Variants in LRRC4C observed in about 807,000 individuals in gnomAD.
The protein encoded by LRRC4C is leucine-rich repeat-containing protein 4C.
In LRRC4C, 5 loss-of-function variants were observed where a neutral mutation model predicts 33.6. That is an observed-to-expected ratio of 0.15 (90% CI 0.08 to 0.31). The LOEUF (loss-of-function observed/expected upper bound fraction) is 0.31. Among genes scored for constraint, LRRC4C ranks in the 10% least tolerant of loss-of-function variants. The probability of loss-of-function intolerance (pLI) is 1.00; values close to 1 mark genes in which losing one functional copy is unlikely to be tolerated. For missense variants in LRRC4C, 560 were observed against 796.7 expected (o/e 0.70, Z 3.58); for synonymous variants, 329 against 302.0 (o/e 1.09, Z -0.93).
intron 3 of LRRC4C, among the ~76,000 whole-genome samples, chr11:40,571,221 C>T (rs974672596): frequency 6.6e-6 from 1 of 152,078 alleles, no homozygotes; most frequent in Non-Finnish European, 1.5e-5. Flanking sequence ...TGAAAACAGA[C>T]ATAAAGCATT....
Position 41,000,540 on chromosome 11 carries a change from T to C in LRRC4C, c.-495-66817A>G, listed in dbSNP as rs573490870. On this transcript the variant is annotated intron_variant, in intron 1 of 6. Coordinates refer to ENST00000528697, the MANE Select transcript of LRRC4C (RefSeq NM_001258419.2). ...TTACCTCTACTTCATAATGTAAAAA[T>C]TTTACATAATAAAATTATTTTCCTA... is the stretch of plus-strand genomic sequence containing the variant. Among the ~76,000 whole-genome samples, 3 of 152,240 alleles carry C rather than the reference T, an allele frequency of 2.0e-5. No individual in the cohort carries two copies. In the South Asian group the frequency reaches 6.2e-4, roughly 32 times the overall value.
intron 2 of LRRC4C, among the ~76,000 whole-genome samples, chr11:40,803,106 G>T (rs540348473): frequency 6.6e-6 from 1 of 152,276 alleles, no homozygotes; most frequent in East Asian, 1.9e-4. Flanking sequence ...AACCAGGCAA[G>T]CTACCAGTTA....
At chr11:40,562,507 A>G (rs923790144) in intron 3 of LRRC4C, among the ~76,000 whole-genome samples, 2 of 139,188 alleles carry the variant, frequency 1.4e-5, no homozygotes, top group South Asian at 4.8e-4. Flanking sequence ...AGGTAATACT[A>G]TCTTTGCATT....
At chr11:40,708,972 TC>T (rs749490761) in intron 2 of LRRC4C, among the ~76,000 whole-genome samples, 3 of 152,188 alleles carry the variant, frequency 2.0e-5, no homozygotes, top group Non-Finnish European at 2.9e-5. Flanking sequence ...ATAAGGGCCT[TC>T]TTTGTCTCTT....
chr11:41,420,763 C>A (rs1324955603), intron 1 of LRRC4C, among the ~76,000 whole-genome samples: 1 of 151,946 alleles, frequency 6.6e-6, no homozygotes, highest in Non-Finnish European at 1.5e-5. Context: ...TTAAGAGATT[C>A]TCTAAAGAGT....
At chr11:40,525,690 C>T (rs1467259808) in intron 3 of LRRC4C, among the ~76,000 whole-genome samples, 2 of 151,328 alleles carry the variant, frequency 1.3e-5, no homozygotes, top group Non-Finnish European at 1.5e-5. Context: ...ACATTTTATG[C>T]AGTCAATAAA....
chr11:41,384,514 C>A (rs1031514911), intron 1 of LRRC4C, among the ~76,000 whole-genome samples: 28 of 151,348 alleles, frequency 1.9e-4, no homozygotes, highest in African/African-American at 6.8e-4. Flanking sequence ...TAAAAACATG[C>A]CAACAAGTTT....
At chr11:40,774,743 A>AT (rs970234781) in intron 2 of LRRC4C, among the ~76,000 whole-genome samples, 2 of 152,152 alleles carry the variant, frequency 1.3e-5, no homozygotes, top group Admixed American at 6.5e-5. Flanking sequence ...ATTGATGTGC[A>AT]TTTTTGTTGT....
intron 2 of LRRC4C, among the ~76,000 whole-genome samples, chr11:40,806,167 T>C (rs947937229): frequency 1.1e-4 from 16 of 152,236 alleles, no homozygotes; most frequent in Non-Finnish European, 2.4e-4. Context: ...CAAAATTTAG[T>C]GGCCTTAAAA....
chr11:41,059,210 G>GTTTTTTTTTTTTTTTTTTTTTTTTT, intron 1 of LRRC4C, among the ~76,000 whole-genome samples: 1 of 125,196 alleles, frequency 8.0e-6, no homozygotes, highest in Non-Finnish European at 1.6e-5. Flanking sequence ...TAAAATAAAA[G>GTTTTTTTTTTTTTTTTTTTTTTTTT]TTTTTTTTTT....
chr11:40,769,902 C>CA (rs1565038882), intron 2 of LRRC4C, among the ~76,000 whole-genome samples: 1 of 152,104 alleles, frequency 6.6e-6, no homozygotes, highest in African/African-American at 2.4e-5. Context: ...AGAAAACTCT[C>CA]TAGGACATTG....
chr11:40,381,281 C>T (rs1455389913), intron 3 of LRRC4C, among the ~76,000 whole-genome samples: 1 of 150,448 alleles, frequency 6.6e-6, no homozygotes, highest in Non-Finnish European at 1.5e-5. Context: ...ACGGTGGGGT[C>T]AATCTGAGGT....
chr11:41,458,952 GA>G lies in LRRC4C; in HGVS notation c.-496+478del, dbSNP rs1956253318. On this transcript the variant is annotated intron_variant, in intron 1 of 6. Coordinates refer to ENST00000528697, the MANE Select transcript of LRRC4C (RefSeq NM_001258419.2). ...TAGAGCAGATATAACTATTCAAGAA[GA>G]AAAAAATAGAGCTATGGGGAGGGGG... is the stretch of plus-strand genomic sequence containing the variant. Among the ~76,000 whole-genome samples, 2 of 151,662 alleles carry G rather than the reference GA, an allele frequency of 1.3e-5. 1 individual carries two copies. Among genetic ancestry groups the G allele is most frequent in the African/African-American group, 4.8e-5 (2 of 41,286 alleles).
chr11:40,396,932 T>G (rs2078067660), intron 3 of LRRC4C, among the ~76,000 whole-genome samples: 1 of 152,078 alleles, frequency 6.6e-6, no homozygotes, highest in South Asian at 2.1e-4. Flanking sequence ...AATACAAGTA[T>G]TAATAAGATG....
rs564602268 is a variant in LRRC4C, at chr11:41,165,896, T to C, written c.-495-232173A>G. 3.0e-3 allele frequency among the ~76,000 whole-genome samples: 459 copies of C among 152,000 alleles called. 4 individuals carry two copies. Among genetic ancestry groups the C allele is most frequent in the African/African-American group, 0.011 (440 of 41,434 alleles). On this transcript the variant is annotated intron_variant, in intron 1 of 6. Coordinates refer to ENST00000528697, the MANE Select transcript of LRRC4C (RefSeq NM_001258419.2). ...AATACAAAAAAATAGCTGGGCATGG[T>C]GGTGGGTGCCTGTAATCCCAGCTAC...
intron 5 of LRRC4C, among the ~76,000 whole-genome samples, chr11:40,145,212 A>G (rs1025015757): frequency 6.6e-6 from 1 of 152,210 alleles, no homozygotes; most frequent in Non-Finnish European, 1.5e-5. Flanking sequence ...GCATATCCCA[A>G]AATTTAAACT....
At chr11:41,179,992 G>A (rs1383086603) in intron 1 of LRRC4C, among the ~76,000 whole-genome samples, 4 of 152,154 alleles carry the variant, frequency 2.6e-5, no homozygotes, top group Non-Finnish European at 4.4e-5. Context: ...TGTGGGACAG[G>A]CACCCTATAC....
chr11:41,190,134 A>T (rs79971020), intron 1 of LRRC4C, among the ~76,000 whole-genome samples: 2 of 152,316 alleles, frequency 1.3e-5, no homozygotes, highest in East Asian at 3.9e-4. Flanking sequence ...AAAGCTACTG[A>T]CACTTTTGCA....
intron 1 of LRRC4C, among the ~76,000 whole-genome samples, chr11:41,029,722 T>C (rs1353636408): frequency 6.6e-6 from 1 of 151,824 alleles, no homozygotes; most frequent in African/African-American, 2.4e-5. Context: ...TCGCACTTGA[T>C]CTCTGCATGT....
Sources: gnomAD v4.1 joint callset for allele counts (sites outside exome capture counted in the v4.1 genomes callset) on GRCh38, gnomAD v4.1.1 for gene constraint, MANE v1.5 for transcripts, NCBI Gene and HGNC (gene_info 2026-07-23, HGNC 2026-07-21) for gene names.